BMAL1: variants seen among roughly 807,000 people sequenced by gnomAD.
BMAL1 encodes the protein basic helix-loop-helix ARNT-like protein 1.
At chr11:13,295,878 A>G in the BMAL1 span, among the ~76,000 whole-genome samples, 4 of 151,504 alleles carry the variant, frequency 2.6e-5, no homozygotes, top group African/African-American at 9.7e-5. Context: ...ATTTTAATTA[A>G]CTCCTCCTTG....
the BMAL1 span, among the ~76,000 whole-genome samples, chr11:13,384,238 TTTGACC>T: frequency 6.6e-6 from 1 of 152,238 alleles, no homozygotes; most frequent in Non-Finnish European, 1.5e-5. Context: ...TCTCTGCTAC[TTTGACC>T]TTGAGATCTT....
chr11:13,278,200 G>T, the BMAL1 span, among the ~76,000 whole-genome samples: 1 of 152,250 alleles, frequency 6.6e-6, no homozygotes, highest in Non-Finnish European at 1.5e-5. Context: ...GCAGGCAGAG[G>T]TGCTGCAGGA....
chr11:13,279,507 T>C, the BMAL1 span, among the ~76,000 whole-genome samples: 1 of 152,236 alleles, frequency 6.6e-6, no homozygotes, highest in Non-Finnish European at 1.5e-5. Context: ...ACCCGTTGAA[T>C]CATGAGCTTA....
chr11:13,292,928 T>C, the BMAL1 span, among the ~76,000 whole-genome samples: 87,293 of 152,108 alleles, frequency 0.57, 27,455 homozygotes, highest in Non-Finnish European at 0.71. Context: ...TACATATAGT[T>C]GCAAAGAAGA....
the BMAL1 span, among the ~76,000 whole-genome samples, chr11:13,284,108 GTGTATATATA>G: frequency 0.026 from 1,568 of 60,376 alleles, 157 homozygotes; most frequent in African/African-American, 0.078. Context: ...GTGTGTGTGT[GTGTATATATA>G]TGTGTGTGTG....
chr11:13,289,635 TG>T, the BMAL1 span, among the ~76,000 whole-genome samples: 40 of 152,312 alleles, frequency 2.6e-4, no homozygotes, highest in African/African-American at 9.1e-4. Context: ...ATGCGGTGTT[TG>T]GTTTTCTGTC....
At chr11:13,288,948 G>A in the BMAL1 span, among the ~76,000 whole-genome samples, 3 of 152,142 alleles carry the variant, frequency 2.0e-5, no homozygotes, top group East Asian at 1.9e-4. Context: ...TATGGAAGTC[G>A]AATGTTTTAA....
chr11:13,366,834 C>T, the BMAL1 span: 1 of 1,472,014 alleles, frequency 6.8e-7, no homozygotes, highest in Non-Finnish European at 9.5e-7. Context: ...CACAGGCAGC[C>T]AACCCTGAGT....
chr11:13,298,255 T>G, the BMAL1 span, among the ~76,000 whole-genome samples: 1 of 152,210 alleles, frequency 6.6e-6, no homozygotes, highest in South Asian at 2.1e-4. Context: ...GGAATCCGTG[T>G]TGTTCTTCAA....
the BMAL1 span, among the ~76,000 whole-genome samples, chr11:13,327,488 G>A: frequency 1.3e-5 from 2 of 152,080 alleles, no homozygotes; most frequent in African/African-American, 2.4e-5. Flanking sequence ...TAGCCCCTAA[G>A]TTTGCTTCCT....
chr11:13,362,975 T>G, the BMAL1 span, among the ~76,000 whole-genome samples: 2 of 152,034 alleles, frequency 1.3e-5, no homozygotes, highest in Non-Finnish European at 2.9e-5. Flanking sequence ...CCTGCCTCTA[T>G]GCCTTTCATT....
the BMAL1 span, among the ~76,000 whole-genome samples, chr11:13,321,827 T>C: frequency 1.3e-5 from 2 of 152,192 alleles, no homozygotes; most frequent in Admixed American, 1.3e-4. Context: ...AAAGACTATG[T>C]GAAAGAATAC....
At chr11:13,332,341 C>T in the BMAL1 span, among the ~76,000 whole-genome samples, 2 of 152,188 alleles carry the variant, frequency 1.3e-5, no homozygotes, top group Non-Finnish European at 2.9e-5. Flanking sequence ...AGAATGTCCC[C>T]AAGGTCACCT....
At chr11:13,286,400 A>G in the BMAL1 span, among the ~76,000 whole-genome samples, 1 of 152,214 alleles carries the variant, frequency 6.6e-6, no homozygotes, top group Non-Finnish European at 1.5e-5. Context: ...GGGAGCTGGG[A>G]GAGGCCTGGG....
At chr11:13,375,491 T>A in the BMAL1 span, 14 of 800,306 alleles carry the variant, frequency 1.7e-5, no homozygotes, top group African/African-American at 2.5e-4. Context: ...TGCAGTTTCC[T>A]TGGCTTACTA....
chr11:13,379,108 C>T, the BMAL1 span: 6 of 152,150 alleles, frequency 3.9e-5, no homozygotes, highest in African/African-American at 1.2e-4. Flanking sequence ...AAAAAGAAAG[C>T]ACTATTTCCC....
the BMAL1 span, chr11:13,369,529 G>C: frequency 1.4e-6 from 2 of 1,478,728 alleles, no homozygotes; most frequent in African/African-American, 1.4e-5. Context: ...AGTGAGGCAG[G>C]CAAGAAAAGG....
At chr11:13,349,552 A>ATAGAGCCTGACACAAAATC in the BMAL1 span, among the ~76,000 whole-genome samples, 1 of 152,252 alleles carries the variant, frequency 6.6e-6, no homozygotes, top group Non-Finnish European at 1.5e-5. Context: ...AACAATAAGG[A>ATAGAGCCTGACACAAAATC]TAGAGCCTGA....
At chr11:13,312,850 G>A in the BMAL1 span, among the ~76,000 whole-genome samples, 2 of 152,164 alleles carry the variant, frequency 1.3e-5, no homozygotes, top group Non-Finnish European at 2.9e-5. Flanking sequence ...ACTGCTCTTG[G>A]CATCATGGTT....
Sources: allele counts gnomAD v4.1 joint callset (sites outside exome capture counted in the v4.1 genomes callset), GRCh38; gene constraint gnomAD v4.1.1; transcripts MANE v1.5; gene names NCBI Gene and HGNC (gene_info 2026-07-23, HGNC 2026-07-21).